Variants in UBE2N observed in about 807,000 individuals in gnomAD.
UBE2N encodes ubiquitin conjugating enzyme E2 N, also known as ubiquitin-conjugating enzyme E2 N.
For synonymous variants in UBE2N, 70 were observed against 69.2 expected, an observed-to-expected ratio of 1.01 and a Z score of -0.06; for missense variants, 60 against 192.1, an observed-to-expected ratio of 0.31 and a Z score of 4.07.
intron 1 of UBE2N, 137 bp from the exon 2 acceptor site, chr12:93,411,436 T>TTTTTTGAATTTA: frequency 1.6e-6 from 2 of 1,254,898 alleles, no homozygotes; most frequent in Non-Finnish European, 1.1e-6. Context: ...GCTTATAAAA[T>TTTTTTGAATTTA]GCAAAATTCA....
rs1260015459 is a variant in UBE2N at position 93,409,414 on chromosome 12, C to T, written c.*625G>A. On this transcript the variant is annotated 3_prime_UTR_variant, in exon 4 of 4. Transcript: ENST00000318066. Reference sequence around the variant, plus strand: ...AGATTTACAGAAGTTTCCAGACAAGCCATACAAAATGGTCACAAGCTTTTT... The same window carrying T: ...AGATTTACAGAAGTTTCCAGACAAGTCATACAAAATGGTCACAAGCTTTTT... 2 of 166,842 alleles carry T rather than the reference C, an allele frequency of 1.2e-5. No individual in the cohort carries two copies. The highest frequency in any genetic ancestry group is 2.4e-5 in the African/African-American group (1 of 41,432). The allele number at this position is 166,842 out of a possible 1,614,324, so 10.3% of individuals were successfully genotyped here. A position where few individuals can be genotyped will look rare whatever the true frequency, so the allele number is the denominator to read the frequency against.
rs1209380411 is a variant in UBE2N, at chr12:93,429,248, C to A, written c.30+12607G>T. 47 of 378,142 alleles carry A rather than the reference C, an allele frequency of 1.2e-4. 1 individual carries two copies. The highest frequency in any genetic ancestry group is 8.9e-4 in the South Asian group (44 of 49,604). 23.4% of individuals were successfully genotyped at this position (378,142 alleles called of 1,614,324 possible). On this transcript the variant is annotated intron_variant, in intron 1 of 3. Transcript: ENST00000318066. ...TCACACCATTGCACTCCAGCCTGGG[C>A]GACAGAGGGAGACTCTGTCTCAAAA... is the stretch of plus-strand genomic sequence containing the variant.
At chr12:93,421,183 TA>T (rs1442240857) in intron 1 of UBE2N, among the ~76,000 whole-genome samples, 3 of 147,440 alleles carry the variant, frequency 2.0e-5, no homozygotes, top group African/African-American at 7.7e-5. Flanking sequence ...ATGTGTTTCT[TA>T]ATCTTTTTCT....
chr12:93,430,789 C>T (rs1878738686), intron 1 of UBE2N, among the ~76,000 whole-genome samples: 1 of 147,548 alleles, frequency 6.8e-6, no homozygotes, highest in African/African-American at 2.5e-5. Flanking sequence ...TTATATTGTA[C>T]ATAATATATA....
intron 1 of UBE2N, among the ~76,000 whole-genome samples, chr12:93,436,163 G>A (rs974852239): frequency 2.0e-5 from 3 of 152,054 alleles, no homozygotes; most frequent in South Asian, 2.1e-4. Context: ...GTGCAGTGGC[G>A]CGATCTAGGC....
In UBE2N at chr12:93,409,801, TG is replaced by T. The variant is rs1308187617; in HGVS notation, c.*237del. 9 of 492,776 alleles carry T rather than the reference TG, an allele frequency of 1.8e-5. No homozygotes were observed. The highest frequency in any genetic ancestry group is 2.1e-5 in the African/African-American group (1 of 48,592). 30.5% of individuals were successfully genotyped at this position (492,776 alleles called of 1,614,324 possible). Reference sequence around the variant, plus strand: ...ATGAATAAAAGCAGGGAGGGGCCACTGCTTTTAAACGTTTCACAACAATCCA... The same window carrying T: ...ATGAATAAAAGCAGGGAGGGGCCACTCTTTTAAACGTTTCACAACAATCCA... On this transcript the variant is annotated 3_prime_UTR_variant, in exon 4 of 4. Transcript: ENST00000318066.
At chr12:93,426,390 C>CAAAAAAA (rs57644203) in intron 1 of UBE2N, among the ~76,000 whole-genome samples, 1 of 101,246 alleles carries the variant, frequency 9.9e-6, no homozygotes, top group Non-Finnish European at 2.0e-5. Context: ...AAACTGCATC[C>CAAAAAAA]AAAAAAAAAA....
intron 1 of UBE2N, among the ~76,000 whole-genome samples, chr12:93,426,563 A>C (rs888296830): frequency 1.3e-5 from 2 of 152,142 alleles, no homozygotes; most frequent in African/African-American, 4.8e-5. Context: ...AAAAAACCCT[A>C]TAAAACCCCT....
At position 93,421,454 on chromosome 12, in the gene UBE2N, G is replaced by A. The variant is rs566114104; in HGVS notation, c.31-10155C>T. 4.6e-5 allele frequency among the ~76,000 whole-genome samples: 7 copies of A among 152,162 alleles called. No individual in the cohort carries two copies. In the South Asian group the frequency reaches 1.2e-3, roughly 27 times the overall value. On this transcript the variant is annotated intron_variant, in intron 1 of 3. Coordinates refer to ENST00000318066, the MANE Select transcript of UBE2N (RefSeq NM_003348.4). ...CCTGACCTCGTGATCTGCCGGGCCC[G>A]GCCCATGTTTCCTAATCTTGATGGT...
intron 1 of UBE2N, 75 bp from the exon 2 acceptor site, chr12:93,411,374 C>A: frequency 6.5e-7 from 1 of 1,527,848 alleles, no homozygotes; most frequent in Non-Finnish European, 8.8e-7. Flanking sequence ...TTAGAAAGTT[C>A]ATCTCTTAGA....
In UBE2N at chr12:93,410,082, G is replaced by A. The variant is rs1877988593; in HGVS notation, c.419-3C>T. 6.2e-7 allele frequency: 1 copy of A among 1,612,832 alleles called. No homozygotes were observed. Among genetic ancestry groups the A allele is most frequent in the South Asian group, 1.1e-5 (1 of 90,882 alleles). ...ATATAGCCTAGTCCATGCTCTAGCTGTAGACAGAAACAAACATACGATTAT... is the reference window on the plus strand; with the variant it reads ...ATATAGCCTAGTCCATGCTCTAGCTATAGACAGAAACAAACATACGATTAT... On this transcript the variant is annotated splice_polypyrimidine_tract_variant and splice_region_variant and intron_variant, in intron 3 of 3. Transcript: ENST00000318066.
At chr12:93,431,325 G>T (rs191047661) in intron 1 of UBE2N, among the ~76,000 whole-genome samples, 51 of 152,296 alleles carry the variant, frequency 3.3e-4, no homozygotes, top group African/African-American at 1.2e-3. Flanking sequence ...TCCACTTCAT[G>T]TGTCCAAATG....
Position 93,409,157 on chromosome 12 carries a change from T to A in UBE2N, c.*882A>T, listed in dbSNP as rs1428021707. 1 of 152,604 alleles carries A rather than the reference T, an allele frequency of 6.6e-6. No homozygotes were observed. The highest frequency in any genetic ancestry group is 2.4e-5 in the African/African-American group (1 of 41,426). The allele number at this position is 152,604 out of a possible 1,614,324, so 9.5% of individuals were successfully genotyped here. A position where few individuals can be genotyped will look rare whatever the true frequency, so the allele number is the denominator to read the frequency against. ...ATGCTTTATGCATGCTCAGGGCCAGTTTATAAATACTCCATTCAGTACTAT... is the reference window on the plus strand; with the variant it reads ...ATGCTTTATGCATGCTCAGGGCCAGATTATAAATACTCCATTCAGTACTAT... On this transcript the variant is annotated 3_prime_UTR_variant, in exon 4 of 4. Coordinates refer to ENST00000318066, the MANE Select transcript of UBE2N (RefSeq NM_003348.4).
chr12:93,424,812 TGTTA>T (rs1392451912), intron 1 of UBE2N, among the ~76,000 whole-genome samples: 1 of 152,264 alleles, frequency 6.6e-6, no homozygotes, highest in Non-Finnish European at 1.5e-5. Flanking sequence ...GAAATCAAAA[TGTTA>T]TTTACCCAAA....
chr12:93,441,840 G>A lies in UBE2N; in HGVS notation c.30+15C>T, dbSNP rs1240006935. 2.5e-6 allele frequency: 4 copies of A among 1,578,924 alleles called. No homozygotes were observed. Among genetic ancestry groups the A allele is most frequent in the East Asian group, 5.1e-5 (2 of 39,378 alleles). ...AGAGCAGAGCGAAGAGCTGGAGGCC[G>A]GCCTGGGCGGTTACCTTGATGATCC... On this transcript the variant is annotated intron_variant, in intron 1 of 3. Transcript: ENST00000318066.
At chr12:93,441,779 G>T in intron 1 of UBE2N, 76 bp downstream of exon 1, 3 of 1,553,712 alleles carry the variant, frequency 1.9e-6, no homozygotes, top group Non-Finnish European at 2.6e-6. Context: ...GCCGAAGGAG[G>T]CGAGAGGCCG....
At chr12:93,439,753 G>T (rs1005581000) in intron 1 of UBE2N, among the ~76,000 whole-genome samples, 20 of 152,092 alleles carry the variant, frequency 1.3e-4, no homozygotes, top group African/African-American at 4.1e-4. Context: ...TTCTGTTTAA[G>T]GATTAGAGAA....
intron 3 of UBE2N, 127 bp downstream of exon 3, chr12:93,410,607 T>C (rs566796053): frequency 1.9e-5 from 27 of 1,393,624 alleles, no homozygotes; most frequent in African/African-American, 5.8e-5. Context: ...TTACATACTA[T>C]AAGCAGGATC....
chr12:93,419,725 A>G (rs771657595), intron 1 of UBE2N, among the ~76,000 whole-genome samples: 26 of 152,262 alleles, frequency 1.7e-4, no homozygotes, highest in Admixed American at 1.3e-4. Flanking sequence ...TTTTAAACTT[A>G]CATTATATGA....
Sources: gnomAD v4.1 joint callset for allele counts (sites outside exome capture counted in the v4.1 genomes callset) on GRCh38, gnomAD v4.1.1 for gene constraint, MANE v1.5 for transcripts, NCBI Gene and HGNC (gene_info 2026-07-23, HGNC 2026-07-21) for gene names.